The following RANBP3L variants were observed in gnomAD, a reference collection of about 807,000 sequenced individuals.
RANBP3L encodes the protein RAN binding protein 3 like, also known as ran-binding protein 3-like.
In RANBP3L, 56 loss-of-function variants were observed where a neutral mutation model predicts 67.2. The ratio of observed to expected loss-of-function variants is 0.83; its 90% CI spans 0.67 to 1.04. The LOEUF (loss-of-function observed/expected upper bound fraction) is 1.04. Among genes scored for constraint, RANBP3L ranks in the 50% least tolerant of loss-of-function variants. The pLI, the probability that RANBP3L is intolerant of heterozygous loss-of-function variation, is 0.00. For synonymous variants in RANBP3L, 164 were observed against 181.4 expected, an observed-to-expected ratio of 0.90 and a Z score of 0.77; for missense variants, 496 against 535.5, an observed-to-expected ratio of 0.93 and a Z score of 0.73.
intron 1 of RANBP3L, among the ~76,000 whole-genome samples, chr5:36,283,499 A>G (rs1014868869): frequency 6.6e-6 from 1 of 151,622 alleles, no homozygotes; most frequent in Admixed American, 6.6e-5. Context: ...CATAATCTGT[A>G]GTACTGGTAT....
At chr5:36,270,853 A>C (rs1380000894) in intron 2 of RANBP3L, among the ~76,000 whole-genome samples, 2 of 152,252 alleles carry the variant, frequency 1.3e-5, no homozygotes, top group Non-Finnish European at 2.9e-5. Context: ...TGCCAAAAAA[A>C]GCAGACAGAG....
intron 11 of RANBP3L, 63 bp downstream of exon 11, chr5:36,255,405 ATT>A (rs1748897121): frequency 6.7e-7 from 1 of 1,500,010 alleles, no homozygotes; most frequent in Non-Finnish European, 9.1e-7. Context: ...GTGTACCTAT[ATT>A]ATTATAAGTA....
At chr5:36,284,764 G>A (rs567765400) in intron 1 of RANBP3L, among the ~76,000 whole-genome samples, 1 of 152,296 alleles carries the variant, frequency 6.6e-6, no homozygotes, top group South Asian at 2.1e-4. Flanking sequence ...TGAGCTGCTA[G>A]GTGTGCACTG....
intron 8 of RANBP3L, among the ~76,000 whole-genome samples, chr5:36,258,543 G>T (rs1749153592): frequency 6.6e-6 from 1 of 152,122 alleles, no homozygotes; most frequent in Admixed American, 6.5e-5. Flanking sequence ...AAATTTACAG[G>T]ATTAGAGGAC....
chr5:36,262,186 T>C, intron 6 of RANBP3L, 144 bp from the exon 7 acceptor site: 1 of 545,414 alleles, frequency 1.8e-6, no homozygotes, highest in South Asian at 2.5e-5. Flanking sequence ...TACGATCTCA[T>C]TTACTCCTTA....
intron 1 of RANBP3L, among the ~76,000 whole-genome samples, chr5:36,296,905 T>C (rs978114116): frequency 4.0e-5 from 6 of 151,390 alleles, no homozygotes; most frequent in Non-Finnish European, 8.8e-5. Context: ...CAGAATTAGC[T>C]CTTCACTTGG....
chr5:36,300,370 C>T (rs779473302), intron 1 of RANBP3L, among the ~76,000 whole-genome samples: 4 of 152,126 alleles, frequency 2.6e-5, no homozygotes, highest in African/African-American at 7.2e-5. Flanking sequence ...CTCCAGGAAC[C>T]GATGCAGAGA....
chr5:36,301,306 C>G lies in RANBP3L; in HGVS notation c.91+20G>C. 5 of 1,579,470 alleles carry G rather than the reference C, an allele frequency of 3.2e-6. No homozygotes were observed. Among genetic ancestry groups the G allele is most frequent in the Non-Finnish European group, 2.6e-6 (3 of 1,148,764 alleles). Reference sequence around the variant, plus strand: ...ACAGAAGGTCACAGAATATGCAACTCATGAGCTGGACGGACTCACCTTGCT... The same window carrying G: ...ACAGAAGGTCACAGAATATGCAACTGATGAGCTGGACGGACTCACCTTGCT... On this transcript the variant is annotated intron_variant, in intron 1 of 13. Coordinates refer to ENST00000296604, the MANE Select transcript of RANBP3L (RefSeq NM_145000.5).
intron 1 of RANBP3L, among the ~76,000 whole-genome samples, chr5:36,280,728 T>C (rs1281502159): frequency 3.9e-5 from 6 of 152,302 alleles, no homozygotes; most frequent in Non-Finnish European, 8.8e-5. Context: ...GGACTTTCTT[T>C]GTTTTTTAAT....
At chr5:36,284,844 G>A (rs569912796) in intron 1 of RANBP3L, among the ~76,000 whole-genome samples, 1 of 152,328 alleles carries the variant, frequency 6.6e-6, no homozygotes, top group East Asian at 1.9e-4. Context: ...GTTGGATGTA[G>A]TTGGTAATTC....
At chr5:36,289,910 G>C (rs1451868240) in intron 1 of RANBP3L, among the ~76,000 whole-genome samples, 1 of 151,802 alleles carries the variant, frequency 6.6e-6, no homozygotes, top group Admixed American at 6.6e-5. Flanking sequence ...AGGATCTCCA[G>C]TACACTGTTG....
chr5:36,251,192 C>G (rs1229531024), intron 13 of RANBP3L, 121 bp downstream of exon 13: 2 of 741,468 alleles, frequency 2.7e-6, no homozygotes, highest in East Asian at 2.8e-5. Flanking sequence ...AACTAAGGCT[C>G]TAGCCACCAC....
chr5:36,263,181 AT>A (rs1749518449), intron 6 of RANBP3L, among the ~76,000 whole-genome samples: 1 of 152,054 alleles, frequency 6.6e-6, no homozygotes, highest in Non-Finnish European at 1.5e-5. Context: ...TGGGCATTAA[AT>A]TTTCTTTTTA....
chr5:36,253,906 C>T (rs1748779353), intron 11 of RANBP3L, 117 bp from the exon 12 acceptor site: 1 of 954,446 alleles, frequency 1.0e-6, no homozygotes, highest in Admixed American at 3.0e-5. Flanking sequence ...TCAATACTAA[C>T]TTGTGATTTG....
chr5:36,255,404 T>C, intron 11 of RANBP3L, 66 bp downstream of exon 11: 3 of 1,491,590 alleles, frequency 2.0e-6, no homozygotes, highest in South Asian at 2.5e-5. Context: ...TGTGTACCTA[T>C]ATTATTATAA....
chr5:36,257,044 A>G lies in RANBP3L; in HGVS notation c.800T>C (p.Leu267Pro). Residue 267 changes from leucine to proline, a missense_variant, in exon 10 of 14, where the codon CTA becomes CCA. Leu to Pro is a moderately conservative substitution (Grantham distance 98, BLOSUM62 -3). Transcript: ENST00000296604. The part of the protein sequence containing the change: ...SRTDSIKNTS[L>P]IESAAAFSSQ... ...AGAGAATGCAGCAGCTGATTCAATT[A>G]GGGAAGTATTTTTAATAGAGTCTGT... 1 of 1,612,612 alleles carries G rather than the reference A, an allele frequency of 6.2e-7. No homozygotes were observed. Among genetic ancestry groups the G allele is most frequent in the Non-Finnish European group, 8.5e-7 (1 of 1,179,084 alleles).
At chr5:36,269,354 T>A (rs1750044024) in intron 4 of RANBP3L, 36 bp downstream of exon 4, 1 of 1,197,388 alleles carries the variant, frequency 8.4e-7, no homozygotes, top group African/African-American at 1.5e-5. Context: ...AGAATAAACA[T>A]AACAGTGAAT....
chr5:36,250,037 T>C (rs1474381827), intron 13 of RANBP3L, among the ~76,000 whole-genome samples: 1 of 151,936 alleles, frequency 6.6e-6, no homozygotes, highest in African/African-American at 2.4e-5. Context: ...ACATTTGCTT[T>C]GCCTTATTTT....
intron 1 of RANBP3L, among the ~76,000 whole-genome samples, chr5:36,271,994 G>A (rs1413673039): frequency 3.9e-5 from 6 of 152,062 alleles, no homozygotes; most frequent in Admixed American, 3.9e-4. Flanking sequence ...GAATTCTTAA[G>A]AAATACTATG....
Sources: gnomAD v4.1 joint callset for allele counts (sites outside exome capture counted in the v4.1 genomes callset) on GRCh38, gnomAD v4.1.1 for gene constraint, MANE v1.5 for transcripts, NCBI Gene and HGNC (gene_info 2026-07-23, HGNC 2026-07-21) for gene names.